Variants in A3GALT2 observed in about 807,000 individuals in gnomAD.
The protein encoded by A3GALT2 is alpha 1,3-galactosyltransferase 2.
A3GALT2 carries 14 observed loss-of-function variants against 16.6 expected under a neutral mutation model. That is an observed-to-expected ratio of 0.84 (90% CI 0.56 to 1.32). The LOEUF is 1.32. Among genes scored for constraint, A3GALT2 ranks in the 40% most tolerant of loss-of-function variants. The probability of loss-of-function intolerance (pLI) is 0.00; values close to 1 mark genes in which losing one functional copy is unlikely to be tolerated. For synonymous variants in A3GALT2, 253 were observed against 218.0 expected (o/e 1.16, Z -1.42); for missense variants, 600 against 490.9 (o/e 1.22, Z -2.10).
chr1:33,312,238 A>T (rs371220882), intron 3 of A3GALT2, 49 bp from the exon 4 acceptor site: 1 of 1,606,068 alleles, frequency 6.2e-7, no homozygotes, highest in African/African-American at 1.3e-5. Flanking sequence ...TCATCCACCC[A>T]CTTGGTGCAT....
At position 33,321,093 on chromosome 1, in the gene A3GALT2, A is replaced by C. The variant is rs1377203091; in HGVS notation, c.6T>G (p.Ala2=). The C allele has an allele frequency of 1.9e-6, 3 of 1,612,940 alleles. No homozygotes were observed. The highest frequency in any genetic ancestry group is 2.5e-6 in the Non-Finnish European group (3 of 1,179,812). The change falls in exon 1 of 5, where the codon GCT becomes GCG. Residue 2 remains alanine, a synonymous_variant. Transcript: ENST00000442999. ...CCCCTCACCTGAGTCCCTCCTTGAGAGCCATATGGGGAAGCAGGTAGGATG... is the reference window on the plus strand; with the variant it reads ...CCCCTCACCTGAGTCCCTCCTTGAGCGCCATATGGGGAAGCAGGTAGGATG... M[A]LKEGLRAWKR...
chr1:33,315,675 G>C (rs1323827511), intron 1 of A3GALT2, among the ~76,000 whole-genome samples: 4 of 152,238 alleles, frequency 2.6e-5, no homozygotes, highest in Non-Finnish European at 5.9e-5. Context: ...TATGGGAATT[G>C]AAAGTGTTCA....
intron 4 of A3GALT2, among the ~76,000 whole-genome samples, chr1:33,308,166 C>T (rs997243160): frequency 1.4e-5 from 2 of 146,846 alleles, no homozygotes; most frequent in Non-Finnish European, 3.0e-5. Context: ...ACTGAAGATG[C>T]TTGCAAATTG....
At position 33,306,895 on chromosome 1, in the gene A3GALT2, G is replaced by T; in HGVS notation, c.894C>A (p.Phe298Leu). The T allele has an allele frequency of 6.6e-7, 1 of 1,522,826 alleles. No homozygotes were observed. Among genetic ancestry groups the T allele is most frequent in the Non-Finnish European group, 8.8e-7 (1 of 1,140,682 alleles). 94.3% of individuals were successfully genotyped at this position (1,522,826 alleles called of 1,614,324 possible). Residue 298 changes from phenylalanine to leucine, a missense_variant, in exon 5 of 5, where the codon TTC (phenylalanine) becomes TTA (leucine). By Grantham distance (22) the Phe-to-Leu change is conservative. Coordinates refer to ENST00000442999, the MANE Select transcript of A3GALT2 (RefSeq NM_001080438.1). ...WHDESHLNKFFWLHKPAKVLS... is the reference protein window; with the variant it reads ...WHDESHLNKFLWLHKPAKVLS... ...GCACCTTGGCGGGCTTGTGCAGCCAGAAGAACTTGTTGAGGTGGCTCTCGT... is the reference window on the plus strand; with the variant it reads ...GCACCTTGGCGGGCTTGTGCAGCCATAAGAACTTGTTGAGGTGGCTCTCGT...
rs148846429 is a variant in A3GALT2, at chr1:33,308,691, G to A, written c.336-1238C>T. ...CAAAGTGCTGGGATTACAGGTGTGA[G>A]CTACTACGCCTGGCCCTCCACAGAA... On this transcript the variant is annotated intron_variant, in intron 4 of 4. Coordinates refer to ENST00000442999, the MANE Select transcript of A3GALT2 (RefSeq NM_001080438.1). 3.0e-3 allele frequency among the ~76,000 whole-genome samples: 453 copies of A among 149,004 alleles called. 1 individual carries two copies. The highest frequency in any genetic ancestry group is 0.011 in the African/African-American group (442 of 39,978).
intron 4 of A3GALT2, among the ~76,000 whole-genome samples, chr1:33,309,879 G>T (rs1053557522): frequency 3.3e-5 from 5 of 152,068 alleles, no homozygotes; most frequent in African/African-American, 1.2e-4. Flanking sequence ...AGGCAGAGAC[G>T]CTCCTCACTT....
At chr1:33,314,679 G>GTGCCCCACAGTGACCCTCGCC (rs1646253404) in intron 1 of A3GALT2, 1 of 152,524 alleles carries the variant, frequency 6.6e-6, no homozygotes, top group South Asian at 2.1e-4. Context: ...GCTCTTCCCC[G>GTGCCCCACAGTGACCCTCGCC]TGCCCCACAG....
intron 1 of A3GALT2, chr1:33,313,607 AG>A (rs928516985): frequency 1.3e-5 from 2 of 152,094 alleles, no homozygotes; most frequent in African/African-American, 4.8e-5. Context: ...TTCGTTTTCC[AG>A]GAAGGGCTCC....
Sources: gnomAD v4.1 joint callset for allele counts (sites outside exome capture counted in the v4.1 genomes callset) on GRCh38, gnomAD v4.1.1 for gene constraint, MANE v1.5 for transcripts, NCBI Gene and HGNC (gene_info 2026-07-23, HGNC 2026-07-21) for gene names.